Variants in ZMYM4 observed in about 807,000 individuals in gnomAD.
The protein encoded by ZMYM4 is zinc finger MYM-type containing 4.
In ZMYM4, 31 loss-of-function variants were observed where a neutral mutation model predicts 183.2. The observed-to-expected ratio is 0.17, with a 90% CI of 0.13 to 0.23. The LOEUF (loss-of-function observed/expected upper bound fraction) is 0.23, where lower values mean the gene tolerates loss of function less well. Ranked by LOEUF, ZMYM4 falls within the 10% of genes least tolerant of loss-of-function variation. The probability of loss-of-function intolerance (pLI) is 1.00; values close to 1 mark genes in which losing one functional copy is unlikely to be tolerated. For missense variants in ZMYM4, 1,273 were observed against 1,840.3 expected (o/e 0.69, Z 5.64); for synonymous variants, 592 against 631.2 (o/e 0.94, Z 0.93).
chr1:35,411,536 G>T (rs1323045162), intron 26 of ZMYM4, among the ~76,000 whole-genome samples: 1 of 152,104 alleles, frequency 6.6e-6, no homozygotes, highest in Admixed American at 6.5e-5. Flanking sequence ...ATTAAGTTTT[G>T]AAATCAGGAA....
chr1:35,315,148 T>C (rs867067628), intron 1 of ZMYM4, among the ~76,000 whole-genome samples: 4 of 151,952 alleles, frequency 2.6e-5, no homozygotes, highest in Middle Eastern at 6.8e-3. Context: ...ACATTTCGAC[T>C]ATTTTATGTT....
In ZMYM4 at chr1:35,420,198, GTC is replaced by G. The variant is rs1558215212; in HGVS notation, c.*523_*524del. On this transcript the variant is annotated 3_prime_UTR_variant, in exon 30 of 30. Coordinates refer to ENST00000314607, the MANE Select transcript of ZMYM4 (RefSeq NM_005095.3). ...ACTTTTTAAAAAAGATAGTGAAGTG[GTC>G]TTGATTGATTTTGATTTTCACTGCC... 6.4e-6 allele frequency: 1 copy of G among 157,086 alleles called. No homozygotes were observed. The highest frequency in any genetic ancestry group is 2.4e-5 in the African/African-American group (1 of 41,460). 9.7% of individuals were successfully genotyped at this position (157,086 alleles called of 1,614,324 possible). A position where few individuals can be genotyped will look rare whatever the true frequency, so the allele number is the denominator to read the frequency against.
chr1:35,414,734 A>G (rs531035507), intron 27 of ZMYM4, among the ~76,000 whole-genome samples: 1 of 152,268 alleles, frequency 6.6e-6, no homozygotes, highest in Non-Finnish European at 1.5e-5. Flanking sequence ...TTCCTATTTC[A>G]TCATGTGAAA....
chr1:35,346,638 G>A (rs970079494), intron 2 of ZMYM4, among the ~76,000 whole-genome samples: 2 of 113,914 alleles, frequency 1.8e-5, no homozygotes, highest in African/African-American at 3.5e-5. Context: ...GTCACAAAGT[G>A]AGACTCCATC....
At chr1:35,348,888 C>G (rs1643493559) in intron 2 of ZMYM4, among the ~76,000 whole-genome samples, 1 of 152,154 alleles carries the variant, frequency 6.6e-6, no homozygotes, top group African/African-American at 2.4e-5. Context: ...AAAAACTAAG[C>G]AAGTCAGTAA....
At chr1:35,351,558 A>G (rs1570413828) in intron 2 of ZMYM4, 1 of 1,000,174 alleles carries the variant, frequency 1.0e-6, no homozygotes, top group Non-Finnish European at 1.5e-6. Context: ...CAGGTAACTC[A>G]AAAGAAGGCA....
rs555717445 is a variant in ZMYM4, at chr1:35,289,614, G to A, written c.39+20529G>A. On this transcript the variant is annotated intron_variant, in intron 1 of 29. Transcript: ENST00000314607. ...GTAGTCTGAATCAGGGGTTCTCAAC[G>A]TTGGCACTGTTGGCATTATGGACCA... Among the ~76,000 whole-genome samples the A allele has an allele frequency of 2.6e-5, 4 of 152,260 alleles. No homozygotes were observed. In the South Asian group the frequency reaches 6.2e-4, roughly 24 times the overall value.
At chr1:35,341,950 C>T (rs1159355149) in intron 2 of ZMYM4, among the ~76,000 whole-genome samples, 1 of 151,990 alleles carries the variant, frequency 6.6e-6, no homozygotes, top group African/African-American at 2.4e-5. Flanking sequence ...CTAATATTTT[C>T]CTGACAGAGT....
At chr1:35,286,300 C>G (rs939867463) in intron 1 of ZMYM4, among the ~76,000 whole-genome samples, 3 of 151,514 alleles carry the variant, frequency 2.0e-5, no homozygotes, top group African/African-American at 4.8e-5. Context: ...ACATTAGAGT[C>G]AAGAAGAAAA....
At chr1:35,304,874 T>A (rs149549409) in intron 1 of ZMYM4, among the ~76,000 whole-genome samples, 3 of 151,740 alleles carry the variant, frequency 2.0e-5, no homozygotes, top group Admixed American at 2.0e-4. Context: ...TTAGACAGAG[T>A]CTTGCTCTGT....
At chr1:35,324,935 A>G (rs1332413017) in intron 1 of ZMYM4, among the ~76,000 whole-genome samples, 3 of 152,092 alleles carry the variant, frequency 2.0e-5, no homozygotes, top group African/African-American at 7.2e-5. Flanking sequence ...TTTCAATTTA[A>G]GAGCAGCATG....
intron 1 of ZMYM4, among the ~76,000 whole-genome samples, chr1:35,316,694 G>A (rs918604452): frequency 3.9e-5 from 6 of 152,148 alleles, no homozygotes; most frequent in African/African-American, 1.4e-4. Context: ...TGCAAAAAAA[G>A]ATGAAAGTTC....
intron 9 of ZMYM4, among the ~76,000 whole-genome samples, chr1:35,384,304 T>A (rs563570551): frequency 2.0e-5 from 3 of 152,212 alleles, no homozygotes; most frequent in Admixed American, 2.0e-4. Flanking sequence ...GGAAATGGGG[T>A]TAGAGATTTA....
chr1:35,332,855 T>TG (rs1337936277), intron 2 of ZMYM4, among the ~76,000 whole-genome samples: 1 of 152,006 alleles, frequency 6.6e-6, no homozygotes, highest in Admixed American at 6.6e-5. Flanking sequence ...CCTCTGCACT[T>TG]GCCTGATTTG....
intron 25 of ZMYM4, among the ~76,000 whole-genome samples, chr1:35,405,835 G>A (rs918796858): frequency 6.6e-6 from 1 of 151,190 alleles, no homozygotes; most frequent in African/African-American, 2.4e-5. Context: ...TCCTTACAGT[G>A]AGATCTATGT....
chr1:35,359,355 T>C lies in ZMYM4; in HGVS notation c.516T>C (p.Asn172=). ...AGACATTTTCTGGAAAGGAGAAAAA[T>C]AGAGACCTAACTTATGAACGTGAAA... ...SKETFSGKEK[N]RDLTYEREKR... is the part of the protein sequence containing the mutation. Residue 172 remains asparagine, a synonymous_variant, in exon 3 of 30, where the codon AAT becomes AAC. Transcript: ENST00000314607. 2 of 1,608,682 alleles carry C rather than the reference T, an allele frequency of 1.2e-6. No homozygotes were observed. Among genetic ancestry groups the C allele is most frequent in the Non-Finnish European group, 1.7e-6 (2 of 1,178,500 alleles).
intron 2 of ZMYM4, among the ~76,000 whole-genome samples, chr1:35,327,078 C>T (rs936410516): frequency 2.0e-5 from 3 of 152,148 alleles, no homozygotes; most frequent in African/African-American, 7.2e-5. Flanking sequence ...CCAGGCTGTT[C>T]TCGAACTCCT....
At chr1:35,399,442 GTTA>G in intron 22 of ZMYM4, 37 bp from the exon 23 acceptor site, 1 of 1,566,730 alleles carries the variant, frequency 6.4e-7, no homozygotes, top group Non-Finnish European at 8.8e-7. Flanking sequence ...AAATTTGTGA[GTTA>G]TTTACCTCAT....
At chr1:35,304,503 G>T (rs1386747972) in intron 1 of ZMYM4, among the ~76,000 whole-genome samples, 3 of 150,680 alleles carry the variant, frequency 2.0e-5, no homozygotes, top group Non-Finnish European at 4.4e-5. Flanking sequence ...TGTCATCCAG[G>T]CTGGGGTGCA....
Sources: allele counts gnomAD v4.1 joint callset (sites outside exome capture counted in the v4.1 genomes callset), GRCh38; gene constraint gnomAD v4.1.1; transcripts MANE v1.5; gene names NCBI Gene and HGNC (gene_info 2026-07-23, HGNC 2026-07-21).